EPPK1: variants seen among roughly 807,000 people sequenced by gnomAD.
The protein encoded by EPPK1 is epiplakin 1.
For synonymous variants in EPPK1, 1,862 were observed against 1,721.2 expected (o/e 1.08, Z -2.03); for missense variants, 3,823 against 3,673.3 (o/e 1.04, Z -1.05).
Position 143,866,984 on chromosome 8 carries a change from C to T in EPPK1, c.6270G>A (p.Arg2090=). 2 of 1,612,854 alleles carry T rather than the reference C, an allele frequency of 1.2e-6. No homozygotes were observed. Among genetic ancestry groups the T allele is most frequent in the Non-Finnish European group, 1.7e-6 (2 of 1,179,882 alleles). ...TCTCGTCATCGATGTGCTCGGAGTC[C>T]CGTGCAGCCTTGTTCACTGGGAACA... ...WLLFPVNKAA[R]DSEHIDDETR... Residue 2090 remains arginine, a synonymous_variant, in exon 2 of 2, where the codon CGG becomes CGA. Transcript: ENST00000615648.
Position 143,871,967 on chromosome 8 carries a change from CTGAG to C in EPPK1, c.1283_1286del (p.Thr428SerfsTer63), listed in dbSNP as rs549868927. 1,217 of 1,598,278 alleles carry C rather than the reference CTGAG, an allele frequency of 7.6e-4. 8 individuals carry two copies. In the African/African-American group the frequency reaches 0.014, roughly 18 times the overall value. ...AGCTGCCAGCCTGCGAGAGCTGCCG[CTGAG>C]TGTCTTCATCCAGGCAGCCGCAGCG... On this transcript the variant is annotated frameshift_variant, in exon 2 of 2. Coordinates refer to ENST00000615648, the MANE Select transcript of EPPK1 (RefSeq NM_031308.4). LOFTEE classifies it low-confidence loss of function (END_TRUNC).
At position 143,872,486 on chromosome 8, in the gene EPPK1, C is replaced by G; in HGVS notation, c.768G>C (p.Gln256His). 1 of 1,593,396 alleles carries G rather than the reference C, an allele frequency of 6.3e-7. No homozygotes were observed. The highest frequency in any genetic ancestry group is 8.5e-7 in the Non-Finnish European group (1 of 1,175,200). The change falls in exon 2 of 2, where the codon CAG becomes CAC. Residue 256 changes from glutamine (Q) to histidine (H), a missense_variant. Gln to His is a conservative substitution (Grantham distance 24). Coordinates refer to ENST00000615648, the MANE Select transcript of EPPK1 (RefSeq NM_031308.4). ...ELLEVGILDEQAVQGLREGRL... is the reference protein window; with the variant it reads ...ELLEVGILDEHAVQGLREGRL... ...TGCCCTCCCGCAGACCCTGCACAGC[C>G]TGCTCGTCCAGGATGCCCACCTCCA... is the stretch of plus-strand genomic sequence containing the variant.
At position 143,868,721 on chromosome 8, in the gene EPPK1, A is replaced by G; in HGVS notation, c.4533T>C (p.Ala1511=). Residue 1511 remains alanine, a synonymous_variant, in exon 2 of 2, where the codon GCT becomes GCC. Coordinates refer to ENST00000615648, the MANE Select transcript of EPPK1 (RefSeq NM_031308.4). ...VVSAVTTLVE[A]AERQPLQATF... ...TGGCCTGCAGGGGCTGCCTCTCTGC[A>G]GCCTCGACCAGGGTGGTGACTGCGC... 1.3e-6 allele frequency: 2 copies of G among 1,579,224 alleles called. No individual in the cohort carries two copies. Among genetic ancestry groups the G allele is most frequent in the Non-Finnish European group, 1.7e-6 (2 of 1,166,436 alleles).
In EPPK1 at chr8:143,872,451, G is replaced by T; in HGVS notation, c.803C>A (p.Ala268Glu). 2 of 1,596,306 alleles carry T rather than the reference G, an allele frequency of 1.3e-6. No individual in the cohort carries two copies. Among genetic ancestry groups the T allele is most frequent in the African/African-American group, 2.7e-5 (2 of 74,966 alleles). ...VQGLREGRLAAVDVSARAEVR... is the reference protein window; with the variant it reads ...VQGLREGRLAEVDVSARAEVR... ...CTCGGCACGTGCACTCACGTCCACT[G>T]CGGCCAGCCTGCCCTCCCGCAGACC... Residue 268 changes from alanine (A) to glutamate (E), a missense_variant, in exon 2 of 2, where the codon GCA becomes GAA. By Grantham distance (107) the Ala-to-Glu change is moderately radical. Transcript: ENST00000615648.
rs977353069 is a variant in EPPK1 at position 143,867,123 on chromosome 8, A to G, written c.6131T>C (p.Ile2044Thr). 1 of 1,612,916 alleles carries G rather than the reference A, an allele frequency of 6.2e-7. No homozygotes were observed. The highest frequency in any genetic ancestry group is 8.5e-7 in the Non-Finnish European group (1 of 1,179,824). The change falls in exon 2 of 2, where the codon ATT becomes ACT. Residue 2044 changes from isoleucine (I) to threonine (T), a missense_variant. Ile to Thr is a moderately conservative substitution (Grantham distance 89, BLOSUM62 -1). Transcript: ENST00000615648. The stretch of plus-strand genomic sequence containing the variant: ...TTTCCTCATGTGCTTCTGGTCGGAA[A>G]TGAGCGCATAGATGTCCTTGTGCAG... ...GCLHKDIYAL[I>T]SDQKHMRKRF...
At chr8:143,873,351 G>A (rs1352191190) in intron 1 of EPPK1, 53 bp from the exon 2 acceptor site, 43 of 1,300,814 alleles carry the variant, frequency 3.3e-5, no homozygotes, top group African/African-American at 7.6e-5. Flanking sequence ...TGGTGGGCAC[G>A]AGGGAAGATG....
rs1379018640 is a variant in EPPK1, at chr8:143,872,979, A to C, written c.275T>G (p.Leu92Arg). 3 of 1,592,280 alleles carry C rather than the reference A, an allele frequency of 1.9e-6. No individual in the cohort carries two copies. Among genetic ancestry groups the C allele is most frequent in the Non-Finnish European group, 2.6e-6 (3 of 1,168,192 alleles). ...CTGCAGGGCCTTGGACACAGGGAGC[A>C]GCTGGCCCCGGGCGAGGTCCACCAG... The part of the protein sequence containing the change: ...GGLVDLARGQ[L>R]LPVSKALQQG... Residue 92 changes from leucine (L) to arginine (R), a missense_variant, in exon 2 of 2, where the codon CTG (leucine) becomes CGG (arginine). Transcript: ENST00000615648.
At position 143,868,668 on chromosome 8, in the gene EPPK1, G is replaced by A. The variant is rs1410976837; in HGVS notation, c.4586C>T (p.Ser1529Leu). The A allele has an allele frequency of 6.3e-7, 1 of 1,584,138 alleles. No individual in the cohort carries two copies. Among genetic ancestry groups the A allele is most frequent in the Non-Finnish European group, 8.6e-7 (1 of 1,166,684 alleles). ...CTGCGCCCTGAACAGGTCCCTGGCTGACACCTGCTTCCGGAGCCCTCTGAA... is the reference window on the plus strand; with the variant it reads ...CTGCGCCCTGAACAGGTCCCTGGCTAACACCTGCTTCCGGAGCCCTCTGAA... ...ATFRGLRKQV[S>L]ARDLFRAQLI... Residue 1529 changes from serine to leucine, a missense_variant, in exon 2 of 2, where the codon TCA (serine) becomes TTA (leucine). Physicochemically the swap from Ser to Leu is moderately radical, Grantham distance 145. Coordinates refer to ENST00000615648, the MANE Select transcript of EPPK1 (RefSeq NM_031308.4).
In EPPK1 at chr8:143,866,456, C is replaced by T. The variant is rs1819109626; in HGVS notation, c.6798G>A (p.Gln2266=). 3 of 1,449,430 alleles carry T rather than the reference C, an allele frequency of 2.1e-6. No homozygotes were observed. In the East Asian group the frequency reaches 7.2e-5, roughly 35 times the overall value. 89.8% of individuals were successfully genotyped at this position (1,449,430 alleles called of 1,614,324 possible). A position where few individuals can be genotyped will look rare whatever the true frequency, so the allele number is the denominator to read the frequency against. Residue 2266 remains glutamine (Q), a synonymous_variant, in exon 2 of 2, where the codon CAG becomes CAA. Coordinates refer to ENST00000615648, the MANE Select transcript of EPPK1 (RefSeq NM_031308.4). ...PGTALVLLEA[Q]AATGFVIDPV... is the part of the protein sequence containing the mutation. ...GGTCGATGACGAAGCCGGTGGCCGC[C>T]TGCGCCTCCAGCAGCACCAGGGCCG... is the stretch of plus-strand genomic sequence containing the variant.
At position 143,867,027 on chromosome 8, in the gene EPPK1, T is replaced by C. The variant is rs567287803; in HGVS notation, c.6227A>G (p.Glu2076Gly). 16 of 1,612,850 alleles carry C rather than the reference T, an allele frequency of 9.9e-6. No individual in the cohort carries two copies. In the South Asian group the frequency reaches 1.8e-4, roughly 18 times the overall value. ...TGGGAACAGCAGCCAGCCCGTGTCC[T>C]CTTGTGGGCGGCACCTCTCCTGCAG... ...RELQERCRPQ[E>G]DTGWLLFPVN... Residue 2076 changes from glutamate (E) to glycine (G), a missense_variant, in exon 2 of 2, where the codon GAG becomes GGG. Transcript: ENST00000615648.
chr8:143,877,443 T>C (rs1040359310), intron 1 of EPPK1, among the ~76,000 whole-genome samples: 1 of 152,124 alleles, frequency 6.6e-6, no homozygotes, highest in Non-Finnish European at 1.5e-5. Flanking sequence ...CCGAGCAGAT[T>C]TCCCCGGAGC....
chr8:143,869,715 T>C lies in EPPK1; in HGVS notation c.3539A>G (p.Gln1180Arg). Residue 1180 changes from glutamine (Q) to arginine (R), a missense_variant, in exon 2 of 2, where the codon CAG becomes CGG. Physicochemically the swap from Gln to Arg is conservative, Grantham distance 43. Transcript: ENST00000615648. ...TTVPQLLASV[Q>R]RWVQETKLLA... ...GAGCTTGGTCTCCTGTACCCACCTCTGCACAGAGGCTAGCAGCTGTGGCAC... is the reference window on the plus strand; with the variant it reads ...GAGCTTGGTCTCCTGTACCCACCTCCGCACAGAGGCTAGCAGCTGTGGCAC... The C allele has an allele frequency of 6.3e-7, 1 of 1,598,056 alleles. No individual in the cohort carries two copies. The highest frequency in any genetic ancestry group is 8.5e-7 in the Non-Finnish European group (1 of 1,173,314).
chr8:143,867,295 T>A lies in EPPK1; in HGVS notation c.5959A>T (p.Ile1987Phe), dbSNP rs1358525857. 101 of 1,612,350 alleles carry A rather than the reference T, an allele frequency of 6.3e-5. No individual in the cohort carries two copies. The highest frequency in any genetic ancestry group is 8.4e-5 in the Non-Finnish European group (99 of 1,179,662). ...TTCTGCATGGCCTGGAACAGCGGGATCGTGTCTCCTGTGGCCGGATCCCTG... is the reference window on the plus strand; with the variant it reads ...TTCTGCATGGCCTGGAACAGCGGGAACGTGTCTCCTGTGGCCGGATCCCTG... ...GYRDPATGDTIPLFQAMQKQL... is the reference protein window; with the variant it reads ...GYRDPATGDTFPLFQAMQKQL... Residue 1987 changes from isoleucine (I) to phenylalanine (F), a missense_variant, in exon 2 of 2, where the codon ATC (isoleucine) becomes TTC (phenylalanine). Physicochemically the swap from Ile to Phe is conservative, Grantham distance 21. Coordinates refer to ENST00000615648, the MANE Select transcript of EPPK1 (RefSeq NM_031308.4).
rs1283148321 is a variant in EPPK1, at chr8:143,859,341, T to G, written c.13913A>C (p.Glu4638Ala). Residue 4638 changes from glutamate (E) to alanine (A), a missense_variant, in exon 2 of 2, where the codon GAG becomes GCG. Physicochemically the swap from Glu to Ala is moderately radical, Grantham distance 107. Coordinates refer to ENST00000615648, the MANE Select transcript of EPPK1 (RefSeq NM_031308.4). ...LAQAQAQARA[E>A]AEAEAGSPRP... is the part of the protein sequence containing the mutation. The stretch of plus-strand genomic sequence containing the variant: ...CGGGCTCCCGGCCTCGGCCTCGGCC[T>G]CGGCCCGGGCCTGGGCCTGGGCCTG... 1 of 215,298 alleles carries G rather than the reference T, an allele frequency of 4.6e-6. No homozygotes were observed. Among genetic ancestry groups the G allele is most frequent in the East Asian group, 4.5e-5 (1 of 22,032 alleles). The allele number at this position is 215,298 out of a possible 1,614,324, so 13.3% of individuals were successfully genotyped here.
chr8:143,869,006 C>G lies in EPPK1; in HGVS notation c.4248G>C (p.Gln1416His). Reference protein sequence around the residue: ...PSARDQVTYQQLRERCVCDSE... With the variant: ...PSARDQVTYQHLRERCVCDSE... ...AGTCGCACACGCAGCGCTCCCTGAG[C>G]TGCTGGTAGGTCACCTGGTCCCGCG... The change falls in exon 2 of 2, where the codon CAG (glutamine) becomes CAC (histidine). Residue 1416 changes from glutamine to histidine, a missense_variant. Physicochemically the swap from Gln to His is conservative, Grantham distance 24. Coordinates refer to ENST00000615648, the MANE Select transcript of EPPK1 (RefSeq NM_031308.4). 1 of 1,610,424 alleles carries G rather than the reference C, an allele frequency of 6.2e-7. No individual in the cohort carries two copies. The highest frequency in any genetic ancestry group is 1.3e-5 in the African/African-American group (1 of 75,064).
rs1199085077 is a variant in EPPK1 at position 143,870,027 on chromosome 8, G to T, written c.3227C>A (p.Ala1076Asp). 1.9e-6 allele frequency: 3 copies of T among 1,610,970 alleles called. No individual in the cohort carries two copies. The highest frequency in any genetic ancestry group is 1.3e-5 in the African/African-American group (1 of 74,966). ...GAAGGTTTCGGAGGAGCTGGACAAG[G>T]CTGTCTCCATCTCCTGGTCAACATA... ...RGYVDQEMET[A>D]LSSSSETFPT... is the part of the protein sequence containing the mutation. The change falls in exon 2 of 2, where the codon GCC (alanine) becomes GAC (aspartate). Residue 1076 changes from alanine (A) to aspartate (D), a missense_variant. Ala to Asp is a moderately radical substitution (Grantham distance 126, BLOSUM62 -2). Transcript: ENST00000615648. The surrounding 1 kb of genome is among the most constrained non-coding windows in gnomAD (Gnocchi z 5.2).
chr8:143,869,675 G>A lies in EPPK1; in HGVS notation c.3579C>T (p.Arg1193=), dbSNP rs375997470. The A allele has an allele frequency of 1.4e-4, 223 of 1,595,756 alleles. 1 individual carries two copies. The highest frequency in any genetic ancestry group is 3.8e-4 in the Admixed American group (22 of 57,372). The part of the protein sequence containing the change: ...VQETKLLAQA[R]VMVPGPRGEV... Reference sequence around the variant, plus strand: ...CACCCCGTGGGCCGGGCACCATGACGCGGGCCTGGGCCAGGAGCTTGGTCT... The same window carrying A: ...CACCCCGTGGGCCGGGCACCATGACACGGGCCTGGGCCAGGAGCTTGGTCT... Residue 1193 remains arginine, a synonymous_variant, in exon 2 of 2, where the codon CGC becomes CGT. Coordinates refer to ENST00000615648, the MANE Select transcript of EPPK1 (RefSeq NM_031308.4).
chr8:143,869,986 G>A lies in EPPK1; in HGVS notation c.3268C>T (p.Gln1090Ter). The change falls in exon 2 of 2, where the codon CAG (glutamine) becomes TAG (stop). Residue 1090 changes from glutamine to a stop codon, truncating the protein, a stop_gained. Coordinates refer to ENST00000615648, the MANE Select transcript of EPPK1 (RefSeq NM_031308.4). LOFTEE classifies it low-confidence loss of function (END_TRUNC). ...SSETFPTPDGQGRTSYAQLLE... is the reference protein window; with the variant it reads ...SSETFPTPDG Reference sequence around the variant, plus strand: ...AGCTGGGCATAGCTCGTGCGCCCCTGGCCGTCCGGTGTGGGGAAGGTTTCG... The same window carrying A: ...AGCTGGGCATAGCTCGTGCGCCCCTAGCCGTCCGGTGTGGGGAAGGTTTCG... 1 of 1,608,118 alleles carries A rather than the reference G, an allele frequency of 6.2e-7. No homozygotes were observed. Among genetic ancestry groups the A allele is most frequent in the South Asian group, 1.1e-5 (1 of 90,300 alleles).
At position 143,871,699 on chromosome 8, in the gene EPPK1, T is replaced by C. The variant is rs557832916; in HGVS notation, c.1555A>G (p.Ile519Val). The change falls in exon 2 of 2, where the codon ATC becomes GTC. Residue 519 changes from isoleucine to valine, a missense_variant. By Grantham distance (29) the Ile-to-Val change is conservative (BLOSUM62 3). Transcript: ENST00000615648. Reference sequence around the variant, plus strand: ...AGCATCGCCCTCTGCTCTGAGGAGATGGCCTCAGAGAAGAGCAGCTCCCAG... The same window carrying C: ...AGCATCGCCCTCTGCTCTGAGGAGACGGCCTCAGAGAAGAGCAGCTCCCAG... ...SLWELLFSEAISSEQRAMLAQ... is the reference protein window; with the variant it reads ...SLWELLFSEAVSSEQRAMLAQ... 6.2e-5 allele frequency: 100 copies of C among 1,606,994 alleles called. 4 individuals are homozygous for C. In the South Asian group the frequency reaches 1.1e-3, roughly 18 times the overall value.
Sources: allele counts gnomAD v4.1 joint callset (sites outside exome capture counted in the v4.1 genomes callset), GRCh38; gene constraint gnomAD v4.1.1; non-coding constraint Gnocchi (gnomAD v3.1); transcripts MANE v1.5; gene names NCBI Gene and HGNC (gene_info 2026-07-23, HGNC 2026-07-21).